HDAC4: variants seen among roughly 807,000 people sequenced by gnomAD.
HDAC4 encodes histone deacetylase A.
HDAC4 carries 16 observed loss-of-function variants against 135.1 expected under a neutral mutation model. The ratio of observed to expected loss-of-function variants is 0.12; its 90% CI spans 0.08 to 0.18. The LOEUF is 0.18. Among genes scored for constraint, HDAC4 ranks in the 10% least tolerant of loss-of-function variants. HDAC4 has a pLI of 1.00. For missense variants in HDAC4, 1,143 were observed against 1,511.8 expected, an observed-to-expected ratio of 0.76 and a Z score of 4.05; for synonymous variants, 685 against 653.4, an observed-to-expected ratio of 1.05 and a Z score of -0.74.
rs1245068480 is a variant in HDAC4, at chr2:239,167,735, T to C, written c.491-3812A>G. ...CCTAATTTTTACTTTTACTTTTTTT[T>C]TTTTTTTCTTAATTCACATTGAGTA... On this transcript the variant is annotated intron_variant, in intron 5 of 26. Coordinates refer to ENST00000543185, the MANE Select transcript of HDAC4 (RefSeq NM_001378414.1). This position sits in a 1 kb window ranked among gnomAD's most constrained non-coding sequence, Gnocchi z 4.1. Among the ~76,000 whole-genome samples the C allele has an allele frequency of 6.6e-6, 1 of 152,050 alleles. No individual in the cohort carries two copies. Among genetic ancestry groups the C allele is most frequent in the Non-Finnish European group, 1.5e-5 (1 of 67,996 alleles).
intron 1 of HDAC4, among the ~76,000 whole-genome samples, chr2:239,391,110 C>G (rs1696174272): frequency 6.6e-6 from 1 of 152,156 alleles, no homozygotes; most frequent in Admixed American, 6.5e-5. Context: ...GGCCAAGGCG[C>G]AATCTGGACA....
chr2:239,201,365 C>T (rs1472966748), intron 3 of HDAC4, among the ~76,000 whole-genome samples: 1 of 152,178 alleles, frequency 6.6e-6, no homozygotes, highest in Non-Finnish European at 1.5e-5. Flanking sequence ...GAGACCCAAG[C>T]ATCCCTGAGG....
intron 9 of HDAC4, among the ~76,000 whole-genome samples, chr2:239,135,720 C>A (rs1382385708): frequency 2.6e-5 from 4 of 152,202 alleles, no homozygotes; most frequent in Non-Finnish European, 2.9e-5. Context: ...CAGGGCCGAG[C>A]ACCCAGCAGG....
chr2:239,136,024 T>C (rs906235016), intron 9 of HDAC4, among the ~76,000 whole-genome samples: 12 of 152,190 alleles, frequency 7.9e-5, no homozygotes, highest in Non-Finnish European at 1.5e-4. Flanking sequence ...GCTTGTAGAA[T>C]GAACGTGTTT....
At chr2:239,197,681 G>A (rs2045481696) in intron 3 of HDAC4, among the ~76,000 whole-genome samples, 1 of 152,050 alleles carries the variant, frequency 6.6e-6, no homozygotes, top group African/African-American at 2.4e-5. Flanking sequence ...TTTAAATGAG[G>A]TTTCATGATT....
chr2:239,246,304 C>T (rs1052030932), intron 2 of HDAC4, among the ~76,000 whole-genome samples: 4 of 152,194 alleles, frequency 2.6e-5, no homozygotes, highest in Non-Finnish European at 4.4e-5. Flanking sequence ...AAACACAGCA[C>T]CTCGCCCCTT....
At chr2:239,283,089 G>A (rs866763663) in intron 2 of HDAC4, among the ~76,000 whole-genome samples, 6 of 152,232 alleles carry the variant, frequency 3.9e-5, no homozygotes, top group African/African-American at 1.4e-4. Context: ...TCCAGGATTC[G>A]CTCGCCCACA....
At chr2:239,078,059 T>C (rs748691895) in intron 22 of HDAC4, among the ~76,000 whole-genome samples, 6 of 152,130 alleles carry the variant, frequency 3.9e-5, no homozygotes, top group Non-Finnish European at 8.8e-5. Context: ...GTGGCGCTCA[T>C]CCCTGACGGA....
In HDAC4 at chr2:239,082,082, C is replaced by T. The variant is rs754612017; in HGVS notation, c.2652+20G>A. ...CGCAGTCCCCCTTTCCCCCCAGAGG[C>T]CCTTATATACCCCACCTACCTCATC... On this transcript the variant is annotated intron_variant, in intron 21 of 26. Transcript: ENST00000543185. 4.3e-6 allele frequency: 7 copies of T among 1,612,554 alleles called. No individual in the cohort carries two copies. The highest frequency in any genetic ancestry group is 3.3e-4 in the Middle Eastern group (2 of 6,058).
intron 6 of HDAC4, among the ~76,000 whole-genome samples, chr2:239,159,560 ACACT>A (rs760489007): frequency 3.7e-4 from 54 of 147,460 alleles, no homozygotes; most frequent in East Asian, 2.9e-3. Context: ...CCCGCATCTC[ACACT>A]CACACCTGTC....
rs568826733 is a variant in HDAC4, at chr2:239,314,253, T to C, written c.22+38425A>G. Among the ~76,000 whole-genome samples, 11 of 152,178 alleles carry C rather than the reference T, an allele frequency of 7.2e-5. No individual in the cohort carries two copies. In the South Asian group the frequency reaches 1.9e-3, roughly 26 times the overall value. ...GACATAAAGTCACAATCAAGAACCA[T>C]GGGTAGCGGGAGTAAGTCCCGGAAA... On this transcript the variant is annotated intron_variant, in intron 2 of 26. Transcript: ENST00000543185.
rs893850777 is a variant in HDAC4 at position 239,089,990 on chromosome 2, T to C, written c.2388+19A>G. On this transcript the variant is annotated intron_variant, in intron 18 of 26. Coordinates refer to ENST00000543185, the MANE Select transcript of HDAC4 (RefSeq NM_001378414.1). ...GGCAGGCCTCCTGGAGGGCCACCAC[T>C]GTCCAGGCCCCGACTGACCTTCAGC... The C allele has an allele frequency of 1.3e-6, 2 of 1,569,162 alleles. No homozygotes were observed. The highest frequency in any genetic ancestry group is 1.8e-6 in the Non-Finnish European group (2 of 1,139,408).
chr2:239,192,755 T>C (rs1386897272), intron 3 of HDAC4, among the ~76,000 whole-genome samples: 1 of 152,152 alleles, frequency 6.6e-6, no homozygotes, highest in Non-Finnish European at 1.5e-5. Context: ...CTAGAGTGCC[T>C]CAGGTGAGCG....
At chr2:239,174,820 T>C (rs777646064) in intron 5 of HDAC4, among the ~76,000 whole-genome samples, 23 of 152,228 alleles carry the variant, frequency 1.5e-4, no homozygotes, top group Non-Finnish European at 2.6e-4. Context: ...AATGACCTCT[T>C]GCTAAATGCA....
intron 3 of HDAC4, among the ~76,000 whole-genome samples, chr2:239,234,780 C>T (rs2047786460): frequency 6.6e-6 from 1 of 152,196 alleles, no homozygotes; most frequent in Non-Finnish European, 1.5e-5. Context: ...TGGCAGGTCT[C>T]GACAGGCAGG....
intron 11 of HDAC4, among the ~76,000 whole-genome samples, chr2:239,126,904 T>C (rs1023332551): frequency 6.6e-6 from 1 of 152,258 alleles, no homozygotes; most frequent in Non-Finnish European, 1.5e-5. Context: ...ATAGGAACCA[T>C]AATTTGGAGG....
chr2:239,120,401 A>ACAGGACACACACACACAG (rs1553622806), intron 12 of HDAC4, among the ~76,000 whole-genome samples: 1 of 127,666 alleles, frequency 7.8e-6, no homozygotes, highest in Non-Finnish European at 1.7e-5. Context: ...AGACGCACAC[A>ACAGGACACACACACACAG]GACACACACA....
At chr2:239,390,459 G>C (rs181609939) in intron 1 of HDAC4, among the ~76,000 whole-genome samples, 1 of 152,252 alleles carries the variant, frequency 6.6e-6, no homozygotes, top group East Asian at 1.9e-4. Flanking sequence ...GCTTAAGCTG[G>C]GAGATCAAGG....
chr2:239,163,932 G>C lies in HDAC4; in HGVS notation c.491-9C>G. 1.2e-6 allele frequency: 2 copies of C among 1,613,998 alleles called. No homozygotes were observed. The highest frequency in any genetic ancestry group is 1.7e-6 in the Non-Finnish European group (2 of 1,180,004). ...TGTGCTGGCCACGGCACCTGGCGTG[G>C]GAGAAAGCATAGCAGGGGGTGAAGT... On this transcript the variant is annotated splice_polypyrimidine_tract_variant and intron_variant, in intron 5 of 26. Coordinates refer to ENST00000543185, the MANE Select transcript of HDAC4 (RefSeq NM_001378414.1).
Sources: allele counts gnomAD v4.1 joint callset (sites outside exome capture counted in the v4.1 genomes callset), GRCh38; gene constraint gnomAD v4.1.1; non-coding constraint Gnocchi (gnomAD v3.1); transcripts MANE v1.5; gene names NCBI Gene and HGNC (gene_info 2026-07-23, HGNC 2026-07-21).